HERC2: variants seen among roughly 807,000 people sequenced by gnomAD.
The protein encoded by HERC2 is E3 ubiquitin-protein ligase HERC2.
A neutral mutation model predicts 537.7 loss-of-function variants in HERC2; 102 were observed. The observed-to-expected ratio is 0.19, with a 90% CI of 0.16 to 0.22. The LOEUF is 0.22. Among genes scored for constraint, HERC2 ranks in the 10% least tolerant of loss-of-function variants. The pLI is 1.00. For synonymous variants in HERC2, 2,224 were observed against 2,466.2 expected, an observed-to-expected ratio of 0.90 and a Z score of 2.91; for missense variants, 4,236 against 6,198.2, an observed-to-expected ratio of 0.68 and a Z score of 10.63.
intron 4 of HERC2, among the ~76,000 whole-genome samples, chr15:28,289,788 A>G (rs534958950): frequency 1.3e-3 from 196 of 152,356 alleles, no homozygotes; most frequent in East Asian, 9.6e-3. Flanking sequence ...TACAAAAGGG[A>G]AACACTGCAC....
At position 28,308,238 on chromosome 15, in the gene HERC2, T is replaced by C. The variant is rs183033297; in HGVS notation, c.73-8722A>G. 1.2e-4 allele frequency among the ~76,000 whole-genome samples: 18 copies of C among 152,326 alleles called. No individual in the cohort carries two copies. The East Asian group carries it at 3.5e-3, about 29-fold the overall frequency. ...CTTCTTTAATGTCTTTCATCAGCGTTTTAGAGTTTTCATTACAGAGATCTT... is the reference window on the plus strand; with the variant it reads ...CTTCTTTAATGTCTTTCATCAGCGTCTTAGAGTTTTCATTACAGAGATCTT... On this transcript the variant is annotated intron_variant, in intron 2 of 92. Coordinates refer to ENST00000261609, the MANE Select transcript of HERC2 (RefSeq NM_004667.6).
Position 28,113,563 on chromosome 15 carries a change from G to A in HERC2, c.14019+10C>T. ...AGCTGCAGGGCAGCCCCACCTGGGG[G>A]TCGGCATACCATCGTCTCCAGTTCG... On this transcript the variant is annotated intron_variant, in intron 91 of 92. Transcript: ENST00000261609. The surrounding 1 kb of genome is among the most constrained non-coding windows in gnomAD (Gnocchi z 7.0). 1 of 1,611,746 alleles carries A rather than the reference G, an allele frequency of 6.2e-7. No homozygotes were observed. The highest frequency in any genetic ancestry group is 8.5e-7 in the Non-Finnish European group (1 of 1,177,936).
Position 28,189,581 on chromosome 15 carries a change from T to C in HERC2, c.8649+1384A>G, listed in dbSNP as rs185845098. The stretch of plus-strand genomic sequence containing the variant: ...TATTGGCTATAATGAATCAGTGTAT[T>C]ATGAAATAGTTCCATGACATTCCAG... On this transcript the variant is annotated intron_variant, in intron 55 of 92. Coordinates refer to ENST00000261609, the MANE Select transcript of HERC2 (RefSeq NM_004667.6). 9.3e-4 allele frequency among the ~76,000 whole-genome samples: 141 copies of C among 152,368 alleles called. 1 individual carries two copies. Among genetic ancestry groups the C allele is most frequent in the African/African-American group, 3.3e-3 (137 of 41,592 alleles).
intron 17 of HERC2, 102 bp from the exon 18 acceptor site, chr15:28,256,419 A>T (rs1433426634): frequency 1.2e-6 from 1 of 823,966 alleles, no homozygotes; most frequent in East Asian, 2.7e-5. Flanking sequence ...TATTATTTAA[A>T]TAGACAATTT....
intron 35 of HERC2, among the ~76,000 whole-genome samples, chr15:28,224,372 C>T (rs1223118549): frequency 1.3e-5 from 2 of 152,106 alleles, no homozygotes; most frequent in Admixed American, 1.3e-4. Flanking sequence ...TAGGCACACA[C>T]CACTATGCCC....
Position 28,228,299 on chromosome 15 carries a change from G to C in HERC2, c.5383C>G (p.Leu1795Val), listed in dbSNP as rs751395786. ...TCGAGGTTGTTTGCGCCGTGCTGCA[G>C]GGTGAGCATGCTGAGCATCACCAGG... ...FLLVMLSMLT[L>V]QHGANNLDLL... The change falls in exon 35 of 93, where the codon CTG (leucine) becomes GTG (valine). Residue 1795 changes from leucine to valine, a missense_variant. This residue lies in a region of HERC2 where 343 missense variants were observed against 417.2 expected (regional missense o/e 0.82). Transcript: ENST00000261609. 1.2e-6 allele frequency: 2 copies of C among 1,612,900 alleles called. No homozygotes were observed. The highest frequency in any genetic ancestry group is 2.2e-5 in the South Asian group (2 of 91,020).
chr15:28,310,517 T>C (rs1416290450), intron 2 of HERC2, among the ~76,000 whole-genome samples: 3 of 152,114 alleles, frequency 2.0e-5, no homozygotes, highest in Non-Finnish European at 4.4e-5. Context: ...GCCGAAAACA[T>C]TCAGGGCCCC....
intron 85 of HERC2, among the ~76,000 whole-genome samples, chr15:28,123,242 T>A (rs1253368150): frequency 1.3e-5 from 2 of 152,228 alleles, no homozygotes; most frequent in Non-Finnish European, 2.9e-5. Context: ...AGTAACCTGC[T>A]GGGACAGGAC....
At chr15:28,222,805 C>T (rs1017288698) in intron 35 of HERC2, among the ~76,000 whole-genome samples, 4 of 152,102 alleles carry the variant, frequency 2.6e-5, no homozygotes, top group Admixed American at 2.0e-4. Flanking sequence ...ACTTCGTATG[C>T]GCCAGGAAGG....
At position 28,149,021 on chromosome 15, in the gene HERC2, C is replaced by T. The variant is rs539909572; in HGVS notation, c.10901-2677G>A. Among the ~76,000 whole-genome samples, 77 of 150,624 alleles carry T rather than the reference C, an allele frequency of 5.1e-4. No individual in the cohort carries two copies. In the East Asian group the frequency reaches 0.013, roughly 26 times the overall value. On this transcript the variant is annotated intron_variant, in intron 70 of 92. Transcript: ENST00000261609. The stretch of plus-strand genomic sequence containing the variant: ...TCCTAACCGAGAACATCACCGAGAA[C>T]GGCCGCACAAACGTACATTCTAGTA...
At chr15:28,141,334 T>A in intron 78 of HERC2, 98 bp downstream of exon 78, 1 of 975,524 alleles carries the variant, frequency 1.0e-6, no homozygotes, top group Non-Finnish European at 1.6e-6. Context: ...GAGAAACGTT[T>A]TAGTACAGAT....
intron 57 of HERC2, among the ~76,000 whole-genome samples, chr15:28,179,559 G>A (rs908934673): frequency 3.3e-5 from 5 of 152,166 alleles, no homozygotes. Flanking sequence ...CTGCTACTGG[G>A]CTATATATTC....
chr15:28,131,885 G>T (rs1432166878), intron 81 of HERC2, among the ~76,000 whole-genome samples: 2 of 152,314 alleles, frequency 1.3e-5, no homozygotes, highest in South Asian at 2.1e-4. Context: ...ACAGCACATA[G>T]AACACCTTAC....
At chr15:28,150,188 G>A (rs558308521) in intron 70 of HERC2, among the ~76,000 whole-genome samples, 11 of 151,540 alleles carry the variant, frequency 7.3e-5, no homozygotes, top group Admixed American at 3.9e-4. Flanking sequence ...AAAAACGCAC[G>A]CGGCTGCTAA....
At chr15:28,188,559 G>A (rs1328416166) in intron 55 of HERC2, among the ~76,000 whole-genome samples, 1 of 142,460 alleles carries the variant, frequency 7.0e-6, no homozygotes, top group Non-Finnish European at 1.5e-5. Context: ...AAAAAAAAAA[G>A]AGTACTTGTT....
At position 28,265,930 on chromosome 15, in the gene HERC2, T is replaced by G. The variant is rs1596350385; in HGVS notation, c.1643A>C (p.Gln548Pro). Residue 548 changes from glutamine to proline, a missense_variant, in exon 13 of 93, where the codon CAG becomes CCG. This residue lies in a region of HERC2 where 754 missense variants were observed against 1,085.0 expected (regional missense o/e 0.69). Transcript: ENST00000261609. This position sits in a 1 kb window ranked among gnomAD's most constrained non-coding sequence, Gnocchi z 4.0. ...GATGTGCACCACGTGCTTCCCGGCCTGCTTTCCAGAGAAGGCGGAGATCAC... is the reference window on the plus strand; with the variant it reads ...GATGTGCACCACGTGCTTCCCGGCCGGCTTTCCAGAGAAGGCGGAGATCAC... ...PKVISAFSGK[Q>P]AGKHVVHIAC... is the part of the protein sequence containing the mutation. The G allele has an allele frequency of 1.9e-6, 3 of 1,614,182 alleles. No individual in the cohort carries two copies. The highest frequency in any genetic ancestry group is 1.6e-4 in the Middle Eastern group (1 of 6,062).
At position 28,176,340 on chromosome 15, in the gene HERC2, C is replaced by CA. The variant is rs1479764219; in HGVS notation, c.9686+87dup. Reference sequence around the variant, plus strand: ...AAGTAAAAAGAGGACACGTCACAATCACGCCGGGTGAGCCTGGGGCGAGGC... The same window carrying CA: ...AAGTAAAAAGAGGACACGTCACAATCAACGCCGGGTGAGCCTGGGGCGAGGC... On this transcript the variant is annotated intron_variant, in intron 63 of 92. Coordinates refer to ENST00000261609, the MANE Select transcript of HERC2 (RefSeq NM_004667.6). This position sits in a 1 kb window ranked among gnomAD's most constrained non-coding sequence, Gnocchi z 5.0. 1 of 1,232,994 alleles carries CA rather than the reference C, an allele frequency of 8.1e-7. No individual in the cohort carries two copies. Among genetic ancestry groups the CA allele is most frequent in the African/African-American group, 1.5e-5 (1 of 66,638 alleles). The allele number at this position is 1,232,994 out of a possible 1,614,324, so 76.4% of individuals were successfully genotyped here.
chr15:28,260,454 G>C (rs951951290), intron 16 of HERC2, among the ~76,000 whole-genome samples: 1 of 152,182 alleles, frequency 6.6e-6, no homozygotes, highest in African/African-American at 2.4e-5. Context: ...CTACAGTCAG[G>C]ATCAAGGCAG....
chr15:28,205,029 G>A (rs551838026), intron 45 of HERC2, among the ~76,000 whole-genome samples: 49 of 152,180 alleles, frequency 3.2e-4, no homozygotes, highest in African/African-American at 1.2e-3. Context: ...GGACGGTGGG[G>A]TGGGCGGGGT....
Sources: gnomAD v4.1 joint callset for allele counts (sites outside exome capture counted in the v4.1 genomes callset) on GRCh38, gnomAD v4.1.1 for gene constraint, gnomAD v4.1.1 regional missense constraint, Gnocchi (gnomAD v3.1) non-coding constraint, MANE v1.5 for transcripts, NCBI Gene and HGNC (gene_info 2026-07-23, HGNC 2026-07-21) for gene names.